The following SERTAD4 variants were observed in gnomAD, a reference collection of about 807,000 sequenced individuals.
The protein encoded by SERTAD4 is SERTA domain-containing protein 4.
Under a neutral mutation model 32.9 loss-of-function variants are expected in SERTAD4, and 18 were observed. The ratio of observed to expected loss-of-function variants is 0.55; its 90% CI spans 0.38 to 0.81. The LOEUF is 0.81. Ranked by LOEUF, SERTAD4 falls within the 30% of genes least tolerant of loss-of-function variation. The pLI is 0.00. For missense variants in SERTAD4, 383 were observed against 426.0 expected (o/e 0.90, Z 0.89); for synonymous variants, 150 against 156.4 (o/e 0.96, Z 0.30).
At chr1:210,236,509 A>G (rs895196166) in intron 1 of SERTAD4, among the ~76,000 whole-genome samples, 16 of 152,174 alleles carry the variant, frequency 1.1e-4, no homozygotes, top group East Asian at 3.9e-4. Flanking sequence ...CCAGAAGGAC[A>G]TTGTCACTTT....
rs375915517 is a variant in SERTAD4 at position 210,241,979 on chromosome 1, C to A, written c.713C>A (p.Pro238Gln). 27 of 1,613,920 alleles carry A rather than the reference C, an allele frequency of 1.7e-5. No individual in the cohort carries two copies. In the African/African-American group the frequency reaches 3.1e-4, roughly 18 times the overall value. ...TCTTCCTCTCCCCCTTTGCCTTTACCGAGTTGTTCCCGCCAGGTGGATTTT... is the reference window on the plus strand; with the variant it reads ...TCTTCCTCTCCCCCTTTGCCTTTACAGAGTTGTTCCCGCCAGGTGGATTTT... Reference protein sequence around the residue: ...SSSSSPPLPLPSCSRQVDFDV... With the variant: ...SSSSSPPLPLQSCSRQVDFDV... The change falls in exon 4 of 4, where the codon CCG becomes CAG. Residue 238 changes from proline (P) to glutamine (Q), a missense_variant. Coordinates refer to ENST00000367012, the MANE Select transcript of SERTAD4 (RefSeq NM_019605.5).
At position 210,243,581 on chromosome 1, in the gene SERTAD4, G is replaced by A. The variant is rs1487723918; in HGVS notation, c.*1244G>A. 6.6e-6 allele frequency: 1 copy of A among 152,086 alleles called. No individual in the cohort carries two copies. Among genetic ancestry groups the A allele is most frequent in the Non-Finnish European group, 1.5e-5 (1 of 68,020 alleles). 9.4% of individuals were successfully genotyped at this position (152,086 alleles called of 1,614,324 possible). A position where few individuals can be genotyped will look rare whatever the true frequency, so the allele number is the denominator to read the frequency against. On this transcript the variant is annotated 3_prime_UTR_variant, in exon 4 of 4. Transcript: ENST00000367012. ...TTTTGAAAGTTATTTTGGAGAAATG[G>A]GACTTAATCTATAATAGTTACTATG...
intron 1 of SERTAD4, among the ~76,000 whole-genome samples, chr1:210,235,846 T>C (rs906742526): frequency 6.6e-6 from 1 of 152,254 alleles, no homozygotes; most frequent in Non-Finnish European, 1.5e-5. Context: ...TTTGTTTACA[T>C]GAAATAAAAG....
chr1:210,246,036 C>A lies in SERTAD4; in HGVS notation c.*3699C>A. On this transcript the variant is annotated 3_prime_UTR_variant, in exon 4 of 4. Transcript: ENST00000367012. ...GTAGTTAAGGTTATCACATCCCTGC[C>A]AATTTTACTAGATTTTTTCAGAGAC... is the stretch of plus-strand genomic sequence containing the variant. 1.7e-6 allele frequency: 1 copy of A among 588,572 alleles called. No homozygotes were observed. The highest frequency in any genetic ancestry group is 2.1e-6 in the Non-Finnish European group (1 of 467,506). The allele number at this position is 588,572 out of a possible 1,614,324, so 36.5% of individuals were successfully genotyped here.
intron 3 of SERTAD4, 24 bp from the exon 4 acceptor site, chr1:210,241,534 C>CTTTTTTTTTTTTTTTT (rs77835150): frequency 4.5e-6 from 5 of 1,111,004 alleles, no homozygotes; most frequent in African/African-American, 1.7e-5. Flanking sequence ...TTGTTTTTTT[C>CTTTTTTTTTTTTTTTT]TTTTTTTTTT....
chr1:210,246,491 TA>T, downstream of SERTAD4: 1 of 788,368 alleles, frequency 1.3e-6, no homozygotes, highest in Non-Finnish European at 1.5e-6. Flanking sequence ...CATCCTGCCA[TA>T]AAGTGCATCA....
intron 3 of SERTAD4, 101 bp from the exon 4 acceptor site, chr1:210,241,457 A>G: frequency 8.2e-7 from 1 of 1,223,686 alleles, no homozygotes; most frequent in East Asian, 2.5e-5. Flanking sequence ...AGTGCCAAGA[A>G]AGAAGTATGC....
intron 1 of SERTAD4, chr1:210,234,123 T>TCCTGCGG: frequency 4.0e-6 from 1 of 249,556 alleles, no homozygotes; most frequent in Non-Finnish European, 7.7e-6. Flanking sequence ...GTTTACTTTC[T>TCCTGCGG]CCTGCGGCCA....
chr1:210,239,721 A>G, intron 3 of SERTAD4, 113 bp downstream of exon 3: 2 of 605,334 alleles, frequency 3.3e-6, no homozygotes, highest in Non-Finnish European at 5.7e-6. Context: ...AAAATGAGCC[A>G]CTTCTCAGTG....
chr1:210,245,751 A>T lies in SERTAD4; in HGVS notation c.*3414A>T. 1.0e-6 allele frequency: 1 copy of T among 971,050 alleles called. No homozygotes were observed. Among genetic ancestry groups the T allele is most frequent in the Non-Finnish European group, 1.2e-6 (1 of 816,870 alleles). 60.2% of individuals were successfully genotyped at this position (971,050 alleles called of 1,614,324 possible). ...GACATGGCTACCCACCCCTCCAGTT[A>T]TGAACTTGTATTACAGCTCCACTTG... On this transcript the variant is annotated 3_prime_UTR_variant, in exon 4 of 4. Coordinates refer to ENST00000367012, the MANE Select transcript of SERTAD4 (RefSeq NM_019605.5).
At chr1:210,239,972 G>A (rs1447982276) in intron 3 of SERTAD4, among the ~76,000 whole-genome samples, 2 of 152,078 alleles carry the variant, frequency 1.3e-5, no homozygotes, top group African/African-American at 4.8e-5. Flanking sequence ...CTGAGTTCTG[G>A]CTCCTGCAGC....
In SERTAD4 at chr1:210,232,823, G is replaced by T. The variant is rs1217151962; in HGVS notation, c.-206G>T. ...TACCATAACCGTCTGCAGCGACGGC[G>T]GCGCAGCGCCCCAGTCGCGGCGGCG... On this transcript the variant is annotated 5_prime_UTR_variant, in exon 1 of 4. Coordinates refer to ENST00000367012, the MANE Select transcript of SERTAD4 (RefSeq NM_019605.5). 1 of 151,022 alleles carries T rather than the reference G, an allele frequency of 6.6e-6. No individual in the cohort carries two copies. The highest frequency in any genetic ancestry group is 1.5e-5 in the Non-Finnish European group (1 of 67,542). The allele number at this position is 151,022 out of a possible 1,614,324, so 9.4% of individuals were successfully genotyped here. A position where few individuals can be genotyped will look rare whatever the true frequency, so the allele number is the denominator to read the frequency against.
Position 210,243,115 on chromosome 1 carries a change from A to AC in SERTAD4, c.*780dup. 3.1e-6 allele frequency: 3 copies of AC among 972,364 alleles called. No individual in the cohort carries two copies. Among genetic ancestry groups the AC allele is most frequent in the Middle Eastern group, 5.3e-4 (1 of 1,876 alleles). 60.2% of individuals were successfully genotyped at this position (972,364 alleles called of 1,614,324 possible). On this transcript the variant is annotated 3_prime_UTR_variant, in exon 4 of 4. Transcript: ENST00000367012. The stretch of plus-strand genomic sequence containing the variant: ...GGACAAAAAAAAAAAAAAAAAAAAA[A>AC]CCACAGGGTGGATCAATATGGTTTG...
chr1:210,235,531 A>C (rs2083932429), intron 1 of SERTAD4, among the ~76,000 whole-genome samples: 1 of 152,234 alleles, frequency 6.6e-6, no homozygotes, highest in Non-Finnish European at 1.5e-5. Context: ...TTCTCAATTT[A>C]AAAAAGAAAA....
At chr1:210,233,190 G>A (rs553523472) in intron 1 of SERTAD4, among the ~76,000 whole-genome samples, 179 bp downstream of exon 1, 3 of 152,158 alleles carry the variant, frequency 2.0e-5, no homozygotes, top group Admixed American at 6.5e-5. Flanking sequence ...GAGCGGAGTC[G>A]GGGCGGCGTG....
At position 210,235,750 on chromosome 1, in the gene SERTAD4, A is replaced by G. The variant is rs540893344; in HGVS notation, c.-17-2194A>G. Among the ~76,000 whole-genome samples the G allele has an allele frequency of 1.2e-3, 189 of 152,344 alleles. 1 individual carries two copies. Among genetic ancestry groups the G allele is most frequent in the Non-Finnish European group, 2.2e-3 (151 of 68,036 alleles). On this transcript the variant is annotated intron_variant, in intron 1 of 3. Coordinates refer to ENST00000367012, the MANE Select transcript of SERTAD4 (RefSeq NM_019605.5). ...AAACATAAAACAGCACAGGGCCCAT[A>G]TAATGTCCTGTTAAACAAAAGTAAT...
chr1:210,241,747 G>A lies in SERTAD4; in HGVS notation c.481G>A (p.Ala161Thr). ...FPACSFNGTS[A>T]QEWFMAQDCP... The stretch of plus-strand genomic sequence containing the variant: ...TGCCTGCTCTTTCAATGGCACCTCT[G>A]CCCAAGAGTGGTTTATGGCTCAAGA... Residue 161 changes from alanine (A) to threonine (T), a missense_variant, in exon 4 of 4, where the codon GCC (alanine) becomes ACC (threonine). Ala to Thr is a moderately conservative substitution (Grantham distance 58). Transcript: ENST00000367012. The A allele has an allele frequency of 1.9e-6, 3 of 1,614,064 alleles. No homozygotes were observed. Among genetic ancestry groups the A allele is most frequent in the Non-Finnish European group, 2.5e-6 (3 of 1,180,010 alleles).
chr1:210,243,106 A>AC lies in SERTAD4; in HGVS notation c.*769_*770insC. The AC allele has an allele frequency of 1.0e-6, 1 of 955,926 alleles. No individual in the cohort carries two copies. Among genetic ancestry groups the AC allele is most frequent in the South Asian group, 4.8e-5 (1 of 20,850 alleles). 59.2% of individuals were successfully genotyped at this position (955,926 alleles called of 1,614,324 possible). ...TAACAAACAGGACAAAAAAAAAAAA[A>AC]AAAAAAAAACCACAGGGTGGATCAA... is the stretch of plus-strand genomic sequence containing the variant. On this transcript the variant is annotated 3_prime_UTR_variant, in exon 4 of 4. Transcript: ENST00000367012.
chr1:210,233,629 G>C (rs2083908143), intron 1 of SERTAD4: 1 of 468,144 alleles, frequency 2.1e-6, no homozygotes, highest in Admixed American at 2.4e-5. Flanking sequence ...TCTGTCCTCA[G>C]CTCACCTCCT....
Sources: gnomAD v4.1 joint callset for allele counts (sites outside exome capture counted in the v4.1 genomes callset) on GRCh38, gnomAD v4.1.1 for gene constraint, MANE v1.5 for transcripts, NCBI Gene and HGNC (gene_info 2026-07-23, HGNC 2026-07-21) for gene names.